Variants in GALNTL6 observed in about 807,000 individuals in gnomAD.
GALNTL6 encodes polypeptide N-acetylgalactosaminyltransferase-like 6.
Under a neutral mutation model 73.7 loss-of-function variants are expected in GALNTL6, and 46 were observed. The observed-to-expected ratio is 0.62, with a 90% CI of 0.49 to 0.80. The LOEUF is 0.80. Among genes scored for constraint, GALNTL6 ranks in the 30% least tolerant of loss-of-function variants. GALNTL6 has a pLI of 0.00. For synonymous variants in GALNTL6, 259 were observed against 263.7 expected (o/e 0.98, Z 0.17); for missense variants, 604 against 755.0 (o/e 0.80, Z 2.34).
chr4:172,049,003 G>T (rs1005090065), intron 2 of GALNTL6, among the ~76,000 whole-genome samples: 1 of 152,142 alleles, frequency 6.6e-6, no homozygotes, highest in African/African-American at 2.4e-5. Context: ...TATTTTATCA[G>T]CTCCAGCAGT....
intron 7 of GALNTL6, among the ~76,000 whole-genome samples, chr4:172,816,267 CT>C (rs1741602198): frequency 6.6e-6 from 1 of 152,186 alleles, no homozygotes. Context: ...CAAAAATTAT[CT>C]TTCTGTAGCA....
At chr4:172,108,972 C>A (rs1159862854) in intron 2 of GALNTL6, among the ~76,000 whole-genome samples, 1 of 138,446 alleles carries the variant, frequency 7.2e-6, no homozygotes, top group African/African-American at 2.7e-5. Flanking sequence ...AAGATGGCAC[C>A]ACTGCACTCC....
rs1394852464 is a variant in GALNTL6 at position 171,955,582 on chromosome 4, C to A, written c.138+140864C>A. 2.0e-5 allele frequency among the ~76,000 whole-genome samples: 3 copies of A among 151,992 alleles called. No individual in the cohort carries two copies. The South Asian group carries it at 6.2e-4, about 31-fold the overall frequency. On this transcript the variant is annotated intron_variant, in intron 2 of 12. Coordinates refer to ENST00000506823, the MANE Select transcript of GALNTL6 (RefSeq NM_001034845.3). Reference sequence around the variant, plus strand: ...AATCATCTCTAGATTACTTAAAATACCTAATGCGATGTAAATTCTATGTAA... The same window carrying A: ...AATCATCTCTAGATTACTTAAAATAACTAATGCGATGTAAATTCTATGTAA...
intron 2 of GALNTL6, among the ~76,000 whole-genome samples, chr4:172,007,437 A>T (rs952387244): frequency 6.6e-6 from 1 of 152,054 alleles, no homozygotes; most frequent in Non-Finnish European, 1.5e-5. Flanking sequence ...TATAAAAACT[A>T]TAAGCAGCGA....
intron 2 of GALNTL6, among the ~76,000 whole-genome samples, chr4:172,060,135 G>A (rs945110176): frequency 6.6e-6 from 1 of 152,092 alleles, no homozygotes; most frequent in Admixed American, 6.6e-5. Flanking sequence ...GAAAAAATGT[G>A]TTACTTTTTG....
intron 5 of GALNTL6, among the ~76,000 whole-genome samples, chr4:172,788,357 A>G (rs191802579): frequency 7.5e-4 from 114 of 152,024 alleles, no homozygotes; most frequent in Middle Eastern, 3.4e-3. Flanking sequence ...AAGCTAGAGC[A>G]AGACCCTATC....
At chr4:172,266,730 C>G (rs749507122) in intron 3 of GALNTL6, among the ~76,000 whole-genome samples, 25 of 151,994 alleles carry the variant, frequency 1.6e-4, no homozygotes, top group Non-Finnish European at 3.2e-4. Flanking sequence ...TTAGCTATTT[C>G]CATTTTTATG....
chr4:172,251,479 G>A (rs1225636853), intron 3 of GALNTL6, among the ~76,000 whole-genome samples: 4 of 152,138 alleles, frequency 2.6e-5, no homozygotes, highest in Admixed American at 2.6e-4. Flanking sequence ...AGATTCAGAA[G>A]TTAATTCTCT....
intron 5 of GALNTL6, among the ~76,000 whole-genome samples, chr4:172,718,412 A>T (rs1374979782): frequency 2.6e-5 from 4 of 152,140 alleles, no homozygotes; most frequent in Non-Finnish European, 5.9e-5. Flanking sequence ...TGGGCAGATC[A>T]CTGGAGACCA....
intron 5 of GALNTL6, among the ~76,000 whole-genome samples, chr4:172,717,270 C>T (rs993974614): frequency 1.3e-5 from 2 of 152,190 alleles, no homozygotes; most frequent in African/African-American, 4.8e-5. Context: ...AAAAGGGCAT[C>T]AGGCTAGAAA....
intron 8 of GALNTL6, among the ~76,000 whole-genome samples, chr4:172,903,382 A>C (rs1452311298): frequency 6.6e-6 from 1 of 152,162 alleles, no homozygotes; most frequent in Non-Finnish European, 1.5e-5. Flanking sequence ...TAACAATACT[A>C]ATCAGCAACC....
intron 7 of GALNTL6, among the ~76,000 whole-genome samples, chr4:172,820,508 G>GA (rs2111021054): frequency 6.6e-6 from 1 of 152,236 alleles, no homozygotes; most frequent in Non-Finnish European, 1.5e-5. Context: ...ATTTCCCACA[G>GA]AAAAATGGAC....
intron 5 of GALNTL6, among the ~76,000 whole-genome samples, chr4:172,741,984 T>C (rs139604415): frequency 1.0e-3 from 153 of 151,818 alleles, no homozygotes; most frequent in African/African-American, 3.0e-3. Flanking sequence ...ATAAAAATAT[T>C]AATTATTAAT....
chr4:172,065,170 TA>T (rs33947925), intron 2 of GALNTL6, among the ~76,000 whole-genome samples: 73,514 of 151,768 alleles, frequency 0.48, 18,170 homozygotes, highest in Non-Finnish European at 0.5. Context: ...GGTTGGGGGT[TA>T]GGGGGGATAG....
chr4:171,999,852 T>G (rs1740619979), intron 2 of GALNTL6, among the ~76,000 whole-genome samples: 1 of 152,196 alleles, frequency 6.6e-6, no homozygotes, highest in Non-Finnish European at 1.5e-5. Context: ...CAACTCTTAA[T>G]TTTGCATTTG....
In GALNTL6 at chr4:172,047,060, A is replaced by G. The variant is rs565574435; in HGVS notation, c.139-182596A>G. On this transcript the variant is annotated intron_variant, in intron 2 of 12. Coordinates refer to ENST00000506823, the MANE Select transcript of GALNTL6 (RefSeq NM_001034845.3). Reference sequence around the variant, plus strand: ...AACTCCCATTCATTCTTATGAAATAAAGGAGAAAATGATTGGTTATTGAAA... The same window carrying G: ...AACTCCCATTCATTCTTATGAAATAGAGGAGAAAATGATTGGTTATTGAAA... Among the ~76,000 whole-genome samples, 5 of 152,270 alleles carry G rather than the reference A, an allele frequency of 3.3e-5. No homozygotes were observed. The South Asian group carries it at 1.0e-3, about 32-fold the overall frequency.
chr4:171,985,443 A>G (rs889674594), intron 2 of GALNTL6, among the ~76,000 whole-genome samples: 2 of 152,198 alleles, frequency 1.3e-5, no homozygotes, highest in African/African-American at 2.4e-5. Context: ...ACATGTGGGA[A>G]TTATGGGAGC....
chr4:171,903,051 T>C (rs1737148505), intron 2 of GALNTL6, among the ~76,000 whole-genome samples: 1 of 152,100 alleles, frequency 6.6e-6, no homozygotes, highest in African/African-American at 2.4e-5. Context: ...AAACATCAAA[T>C]GGAAGCTCAT....
intron 2 of GALNTL6, among the ~76,000 whole-genome samples, chr4:171,929,773 G>A (rs1299371640): frequency 1.3e-5 from 2 of 152,184 alleles, no homozygotes; most frequent in Admixed American, 6.5e-5. Context: ...TTCCTGGAGA[G>A]ACTGCAGCAG....
Sources: gnomAD v4.1 joint callset for allele counts (sites outside exome capture counted in the v4.1 genomes callset) on GRCh38, gnomAD v4.1.1 for gene constraint, MANE v1.5 for transcripts, NCBI Gene and HGNC (gene_info 2026-07-23, HGNC 2026-07-21) for gene names.